MYCT1: variants seen among roughly 807,000 people sequenced by gnomAD.
The protein encoded by MYCT1 is myc target protein 1.
In MYCT1, 12 loss-of-function variants were observed where a neutral mutation model predicts 15.0. The ratio of observed to expected loss-of-function variants is 0.80; its 90% CI spans 0.51 to 1.29. The LOEUF is 1.29. MYCT1 is among the 50% of genes most tolerant of loss of function. The pLI, the probability that MYCT1 is intolerant of heterozygous loss-of-function variation, is 0.00. For missense variants in MYCT1, 287 were observed against 279.1 expected, an observed-to-expected ratio of 1.03 and a Z score of -0.20; for synonymous variants, 104 against 102.7, an observed-to-expected ratio of 1.01 and a Z score of -0.07.
chr6:152,734,400 G>T, the MYCT1 span, among the ~76,000 whole-genome samples: 1 of 152,194 alleles, frequency 6.6e-6, no homozygotes, highest in Non-Finnish European at 1.5e-5. Context: ...GTGAGGAGAT[G>T]CTCATGTGTG....
Position 152,721,872 on chromosome 6 carries a change from CAGG to C in MYCT1, c.330_332del (p.Arg111del), listed in dbSNP as rs1404566186. On this transcript the variant is annotated inframe_deletion, in exon 2 of 2. Coordinates refer to ENST00000367245, the MANE Select transcript of MYCT1 (RefSeq NM_025107.3). ...CTCCCATCTCACAGTGGAGTTCAAG[CAGG>C]AGATCTAGGTCTTCTTACACCCACG... is the stretch of plus-strand genomic sequence containing the variant. The C allele has an allele frequency of 5.0e-6, 8 of 1,613,914 alleles. No individual in the cohort carries two copies. The African/African-American group carries it at 9.3e-5, about 19-fold the overall frequency.
chr6:152,712,885 A>C (rs951201577), intron 1 of MYCT1, among the ~76,000 whole-genome samples: 2 of 149,896 alleles, frequency 1.3e-5, no homozygotes, highest in Non-Finnish European at 2.9e-5. Context: ...TATGACGTGC[A>C]TAGTTCTTTA....
chr6:152,738,575 C>T, the MYCT1 span, among the ~76,000 whole-genome samples: 1 of 152,008 alleles, frequency 6.6e-6, no homozygotes, highest in Admixed American at 6.6e-5. Flanking sequence ...TAATTAACTT[C>T]TTTATACCAT....
chr6:152,746,923 A>G, the MYCT1 span, among the ~76,000 whole-genome samples: 16 of 152,216 alleles, frequency 1.1e-4, no homozygotes, highest in Non-Finnish European at 2.1e-4. Flanking sequence ...GTCCTCGATC[A>G]TATCATTTAG....
the MYCT1 span, among the ~76,000 whole-genome samples, chr6:152,731,748 ATT>A: frequency 0.5 from 70,184 of 140,244 alleles, 19,157 homozygotes; most frequent in Non-Finnish European, 0.62. Context: ...AGAGAACGCC[ATT>A]TTTTTTTTTT....
chr6:152,730,357 A>G, the MYCT1 span, among the ~76,000 whole-genome samples: 2 of 152,224 alleles, frequency 1.3e-5, no homozygotes. Flanking sequence ...CATTGTCGAA[A>G]TGACACCAGC....
chr6:152,740,698 T>G, the MYCT1 span, among the ~76,000 whole-genome samples: 1 of 152,132 alleles, frequency 6.6e-6, no homozygotes, highest in Non-Finnish European at 1.5e-5. Flanking sequence ...GATGAAATCC[T>G]TTTTAGGTGG....
the MYCT1 span, among the ~76,000 whole-genome samples, chr6:152,730,638 A>G: frequency 1.3e-5 from 2 of 152,304 alleles, no homozygotes; most frequent in Admixed American, 6.5e-5. Flanking sequence ...ATTTGGTTAC[A>G]TTGGTCCCTG....
At chr6:152,737,351 A>T in the MYCT1 span, among the ~76,000 whole-genome samples, 1 of 151,900 alleles carries the variant, frequency 6.6e-6, no homozygotes, top group Non-Finnish European at 1.5e-5. Context: ...GTGTTTATAT[A>T]TAAATTAAGA....
At chr6:152,744,173 G>A in the MYCT1 span, among the ~76,000 whole-genome samples, 5 of 152,160 alleles carry the variant, frequency 3.3e-5, no homozygotes, top group African/African-American at 1.2e-4. Flanking sequence ...GACTCGAGGA[G>A]CATCAAGGGC....
downstream of MYCT1, among the ~76,000 whole-genome samples, chr6:152,725,539 G>A (rs956814832): frequency 7.2e-5 from 11 of 152,160 alleles, no homozygotes; most frequent in African/African-American, 2.4e-4. Flanking sequence ...GCCCACCTCA[G>A]CTTCCCAAAG....
At chr6:152,739,715 A>G in the MYCT1 span, among the ~76,000 whole-genome samples, 2 of 152,120 alleles carry the variant, frequency 1.3e-5, no homozygotes, top group Non-Finnish European at 1.5e-5. Flanking sequence ...TTTCTGTCAT[A>G]TATTCAAGTA....
the MYCT1 span, among the ~76,000 whole-genome samples, chr6:152,740,249 C>T: frequency 2.0e-5 from 3 of 152,056 alleles, no homozygotes. Context: ...GGGGTTTCTC[C>T]ATGTTGGTCA....
chr6:152,698,759 TG>T (rs1413740901), intron 1 of MYCT1, among the ~76,000 whole-genome samples: 1 of 152,166 alleles, frequency 6.6e-6, no homozygotes, highest in Non-Finnish European at 1.5e-5. Context: ...TAACATTCAA[TG>T]GAATCCTATC....
chr6:152,713,749 T>A (rs2099723138), intron 1 of MYCT1, among the ~76,000 whole-genome samples: 1 of 152,190 alleles, frequency 6.6e-6, no homozygotes, highest in South Asian at 2.1e-4. Flanking sequence ...TCTGGCTTTC[T>A]CTTCTCCAGG....
downstream of MYCT1, among the ~76,000 whole-genome samples, chr6:152,725,753 TCTC>T (rs1250355813): frequency 1.3e-5 from 2 of 152,256 alleles, no homozygotes; most frequent in African/African-American, 2.4e-5. Flanking sequence ...GACCACGAAG[TCTC>T]CTAGCACCTG....
the MYCT1 span, among the ~76,000 whole-genome samples, chr6:152,742,480 G>C: frequency 6.6e-6 from 1 of 152,096 alleles, no homozygotes; most frequent in Non-Finnish European, 1.5e-5. Flanking sequence ...CGTGATCCAG[G>C]CTTGCAAGCC....
At chr6:152,700,117 TA>T (rs2099721068) in intron 1 of MYCT1, among the ~76,000 whole-genome samples, 1 of 152,118 alleles carries the variant, frequency 6.6e-6, no homozygotes, top group South Asian at 2.1e-4. Flanking sequence ...AAAATGTGAA[TA>T]AAAATATAAA....
intron 1 of MYCT1, among the ~76,000 whole-genome samples, chr6:152,718,272 G>C (rs1198525752): frequency 1.3e-5 from 2 of 152,226 alleles, no homozygotes; most frequent in South Asian, 2.1e-4. Flanking sequence ...TTGCCCATTA[G>C]AGTTTGGATA....
Sources: allele counts gnomAD v4.1 joint callset (sites outside exome capture counted in the v4.1 genomes callset), GRCh38; gene constraint gnomAD v4.1.1; transcripts MANE v1.5; gene names NCBI Gene and HGNC (gene_info 2026-07-23, HGNC 2026-07-21).